Variants in CRACD observed in about 807,000 individuals in gnomAD.
The protein encoded by CRACD is capping protein inhibiting regulator of actin dynamics.
A neutral mutation model predicts 106.8 loss-of-function variants in CRACD; 56 were observed. The ratio of observed to expected loss-of-function variants is 0.52; its 90% confidence interval spans 0.42 to 0.66. CRACD has a LOEUF of 0.66. Among genes scored for constraint, CRACD ranks in the 30% least tolerant of loss-of-function variants. The pLI, the probability that CRACD is intolerant of heterozygous loss-of-function variation, is 0.00. For missense variants in CRACD, 1,730 were observed against 1,623.2 expected (o/e 1.07, Z -1.13); for synonymous variants, 754 against 670.8 (o/e 1.12, Z -1.92).
In CRACD at chr4:56,237,721, T is replaced by TACAC. The variant is rs36207795; in HGVS notation, c.-188-34562_-188-34559dup. ...AATTTCTAGGTTAAAAGATATTACA[T>TACAC]ACACACACACACACACACACACACA... On this transcript the variant is annotated intron_variant, in intron 2 of 10. Transcript: ENST00000682029. 3.4e-3 allele frequency among the ~76,000 whole-genome samples: 488 copies of TACAC among 144,410 alleles called. 3 individuals are homozygous for TACAC. Among genetic ancestry groups the TACAC allele is most frequent in the African/African-American group, 0.011 (423 of 39,158 alleles). 94.7% of individuals were successfully genotyped at this position (144,410 alleles called of 152,430 possible). A position where few individuals can be genotyped will look rare whatever the true frequency, so the allele number is the denominator to read the frequency against.
At chr4:56,266,929 CAAAT>C (rs1002895207) in intron 2 of CRACD, among the ~76,000 whole-genome samples, 5 of 152,144 alleles carry the variant, frequency 3.3e-5, no homozygotes, top group Non-Finnish European at 5.9e-5. Flanking sequence ...ATTGGGGAAT[CAAAT>C]AAGAGTATAA....
intron 2 of CRACD, among the ~76,000 whole-genome samples, chr4:56,216,735 CT>C (rs1339965053): frequency 6.6e-6 from 1 of 151,450 alleles, no homozygotes; most frequent in Non-Finnish European, 1.5e-5. Context: ...AATCCCAGCA[CT>C]TTGGGAGGCC....
chr4:56,172,266 T>C (rs1402551601), intron 1 of CRACD, among the ~76,000 whole-genome samples: 1 of 152,136 alleles, frequency 6.6e-6, no homozygotes, highest in Non-Finnish European at 1.5e-5. Flanking sequence ...TGTATTTGCC[T>C]GAAAAACTGA....
At chr4:56,058,166 T>G (rs1402178163) in intron 1 of CRACD, among the ~76,000 whole-genome samples, 1 of 151,974 alleles carries the variant, frequency 6.6e-6, no homozygotes, top group East Asian at 1.9e-4. Flanking sequence ...ACCTCCCAGG[T>G]TCAAGCGATT....
At chr4:56,159,386 C>T (rs139121904) in intron 1 of CRACD, among the ~76,000 whole-genome samples, 41 of 152,352 alleles carry the variant, frequency 2.7e-4, no homozygotes, top group Non-Finnish European at 5.0e-4. Context: ...CGCGGTGGCT[C>T]ACGCCTGTAA....
At chr4:56,142,433 A>G (rs1368549290) in intron 1 of CRACD, among the ~76,000 whole-genome samples, 5 of 152,196 alleles carry the variant, frequency 3.3e-5, no homozygotes, top group Non-Finnish European at 7.3e-5. Context: ...CCGCCTTGTC[A>G]GAAAAATACC....
At chr4:56,067,709 G>A (rs1291549926) in intron 1 of CRACD, among the ~76,000 whole-genome samples, 1 of 152,114 alleles carries the variant, frequency 6.6e-6, no homozygotes, top group East Asian at 1.9e-4. Context: ...CTGGGTAGCT[G>A]GGATTACAGG....
intron 1 of CRACD, among the ~76,000 whole-genome samples, chr4:56,059,123 T>G (rs866176446): frequency 1.2e-4 from 19 of 152,316 alleles, no homozygotes; most frequent in African/African-American, 4.3e-4. Context: ...TAAGTAACTG[T>G]GTCCTTTGTT....
At chr4:56,186,728 A>G (rs1433928280) in intron 2 of CRACD, among the ~76,000 whole-genome samples, 1 of 152,118 alleles carries the variant, frequency 6.6e-6, no homozygotes, top group Non-Finnish European at 1.5e-5. Flanking sequence ...AACTGTAAGT[A>G]GTTGTATCTT....
chr4:56,294,795 T>C (rs968877244), intron 3 of CRACD, among the ~76,000 whole-genome samples: 9 of 151,006 alleles, frequency 6.0e-5, no homozygotes, highest in Admixed American at 2.6e-4. Context: ...GCACCTGTAA[T>C]CTGAGCTACT....
chr4:56,255,758 C>A (rs1430792599), intron 2 of CRACD, among the ~76,000 whole-genome samples: 2 of 152,190 alleles, frequency 1.3e-5, no homozygotes, highest in Non-Finnish European at 2.9e-5. Context: ...TCTGACCTCT[C>A]CTTTTAACCA....
intron 1 of CRACD, among the ~76,000 whole-genome samples, chr4:56,057,799 A>ATTTTTTTTTTTTTTTT: frequency 2.3e-5 from 1 of 43,474 alleles, no homozygotes; most frequent in Non-Finnish European, 4.6e-5. Context: ...CATTTTTTGT[A>ATTTTTTTTTTTTTTTT]TTTTTTTTTT....
intron 1 of CRACD, among the ~76,000 whole-genome samples, chr4:56,057,377 A>T (rs1732110106): frequency 6.6e-6 from 1 of 152,132 alleles, no homozygotes; most frequent in African/African-American, 2.4e-5. Context: ...GGTGTTTACT[A>T]GTTGTGTGTG....
At chr4:56,108,275 G>T (rs902665390) in intron 1 of CRACD, among the ~76,000 whole-genome samples, 1 of 152,106 alleles carries the variant, frequency 6.6e-6, no homozygotes, top group East Asian at 1.9e-4. Flanking sequence ...GTATAATCCT[G>T]TATCATTAAT....
chr4:56,201,401 C>T (rs1272862999), intron 2 of CRACD, among the ~76,000 whole-genome samples: 2 of 152,126 alleles, frequency 1.3e-5, no homozygotes, highest in African/African-American at 4.8e-5. Flanking sequence ...ACAGTAAAAG[C>T]TTAAATTAAT....
At chr4:56,099,590 G>T (rs952969821) in intron 1 of CRACD, among the ~76,000 whole-genome samples, 1 of 152,072 alleles carries the variant, frequency 6.6e-6, no homozygotes, top group African/African-American at 2.4e-5. Flanking sequence ...AATGAGACCT[G>T]GCTCCCATTC....
chr4:56,313,909 C>T, intron 7 of CRACD, 131 bp from the exon 8 acceptor site: 2 of 1,255,202 alleles, frequency 1.6e-6, no homozygotes, highest in Non-Finnish European at 2.2e-6. Context: ...TTAGCTATCC[C>T]TGAACTTGAG....
At chr4:56,253,435 G>C (rs1741162772) in intron 2 of CRACD, among the ~76,000 whole-genome samples, 1 of 152,142 alleles carries the variant, frequency 6.6e-6, no homozygotes, top group Non-Finnish European at 1.5e-5. Context: ...GCAGATGTGG[G>C]AACTGAGGTC....
intron 1 of CRACD, among the ~76,000 whole-genome samples, chr4:56,087,159 TC>T (rs1482962854): frequency 6.6e-6 from 1 of 152,058 alleles, no homozygotes; most frequent in Non-Finnish European, 1.5e-5. Context: ...ATTACAGGCA[TC>T]CGTCACTATG....
Sources: gnomAD v4.1 joint callset for allele counts (sites outside exome capture counted in the v4.1 genomes callset) on GRCh38, gnomAD v4.1.1 for gene constraint, MANE v1.5 for transcripts, NCBI Gene and HGNC (gene_info 2026-07-23, HGNC 2026-07-21) for gene names.